Variants in SCAF8 observed in about 807,000 individuals in gnomAD.
SCAF8 encodes the protein SR-related and CTD-associated factor 8.
In SCAF8, 23 loss-of-function variants were observed where a neutral mutation model predicts 140.5. That is an observed-to-expected ratio of 0.16 (90% CI 0.12 to 0.23). The LOEUF is 0.23. Ranked by LOEUF, SCAF8 falls within the 10% of genes least tolerant of loss-of-function variation. The pLI is 1.00. For missense variants in SCAF8, 1,397 were observed against 1,555.7 expected (o/e 0.90, Z 1.72); for synonymous variants, 575 against 528.9 (o/e 1.09, Z -1.20).
intron 18 of SCAF8, among the ~76,000 whole-genome samples, chr6:154,827,835 G>GGT (rs1562466883): frequency 2.5e-5 from 1 of 39,810 alleles, no homozygotes; most frequent in Non-Finnish European, 7.5e-5. Flanking sequence ...GGGGCGGGGC[G>GGT]GGGGGGGGGG....
At chr6:154,802,219 T>C (rs1777793077) in intron 7 of SCAF8, 72 bp downstream of exon 7, 2 of 918,386 alleles carry the variant, frequency 2.2e-6, no homozygotes, top group South Asian at 5.1e-5. Flanking sequence ...ATTTTAATTC[T>C]ATAAATAAAT....
chr6:154,814,918 TC>T (rs1177623859), intron 12 of SCAF8, among the ~76,000 whole-genome samples: 1 of 152,198 alleles, frequency 6.6e-6, no homozygotes, highest in Non-Finnish European at 1.5e-5. Context: ...AAGGATTGTT[TC>T]CTTAAGGATA....
chr6:154,818,154 C>T (rs544838442), intron 13 of SCAF8, among the ~76,000 whole-genome samples: 7 of 152,218 alleles, frequency 4.6e-5, no homozygotes, highest in South Asian at 2.1e-4. Context: ...ATTATGTATA[C>T]GAAGTTATAC....
chr6:154,809,929 G>A, intron 11 of SCAF8, 86 bp from the exon 12 acceptor site: 1 of 1,081,826 alleles, frequency 9.2e-7, no homozygotes. Flanking sequence ...CAACTTTTTT[G>A]TTATTGTTTT....
At chr6:154,766,747 G>A (rs1407037442) in intron 1 of SCAF8, among the ~76,000 whole-genome samples, 4 of 133,526 alleles carry the variant, frequency 3.0e-5, no homozygotes, top group Non-Finnish European at 6.1e-5. Context: ...GAAGTCATGT[G>A]CAACATCTGG....
At position 154,831,921 on chromosome 6, in the gene SCAF8, C is replaced by G; in HGVS notation, c.2360-18C>G. The stretch of plus-strand genomic sequence containing the variant: ...TTGACTGTTATTTTGAGTTTTTTCT[C>G]TCTCTCTTTTTTTTTAGTGATTCCA... On this transcript the variant is annotated intron_variant, in intron 19 of 19. Coordinates refer to ENST00000367178, the MANE Select transcript of SCAF8 (RefSeq NM_014892.5). 6.4e-7 allele frequency: 1 copy of G among 1,560,818 alleles called. No homozygotes were observed. The highest frequency in any genetic ancestry group is 8.6e-7 in the Non-Finnish European group (1 of 1,158,774).
intron 12 of SCAF8, 70 bp downstream of exon 12, chr6:154,810,278 C>T (rs1778052681): frequency 3.5e-6 from 4 of 1,143,622 alleles, no homozygotes; most frequent in Non-Finnish European, 4.9e-6. Context: ...GCTACAAAGT[C>T]TCTCAGCCAA....
intron 6 of SCAF8, among the ~76,000 whole-genome samples, chr6:154,795,548 TGGG>T (rs1261411103): frequency 6.6e-6 from 1 of 152,094 alleles, no homozygotes; most frequent in African/African-American, 2.4e-5. Flanking sequence ...TGACTAGATT[TGGG>T]GGAAGGGGTC....
chr6:154,783,896 C>G (rs1019925676), intron 3 of SCAF8, among the ~76,000 whole-genome samples: 1 of 151,480 alleles, frequency 6.6e-6, no homozygotes, highest in Admixed American at 6.6e-5. Context: ...ATGGTGAAAT[C>G]CCGTCTCTAC....
Position 154,812,732 on chromosome 6 carries a change from T to C in SCAF8, c.1420+2524T>C, listed in dbSNP as rs186447934. Among the ~76,000 whole-genome samples, 6 of 152,274 alleles carry C rather than the reference T, an allele frequency of 3.9e-5. No homozygotes were observed. In the East Asian group the frequency reaches 9.6e-4, roughly 24 times the overall value. On this transcript the variant is annotated intron_variant, in intron 12 of 19. Transcript: ENST00000367178. Reference sequence around the variant, plus strand: ...CCAGTGAATAATAACATTCCAGGAATCAAGTGTCCCTTCTGCATGGGATGA... The same window carrying C: ...CCAGTGAATAATAACATTCCAGGAACCAAGTGTCCCTTCTGCATGGGATGA...
At chr6:154,783,120 A>C (rs1583030441) in intron 3 of SCAF8, among the ~76,000 whole-genome samples, 2 of 152,198 alleles carry the variant, frequency 1.3e-5, no homozygotes, top group Non-Finnish European at 2.9e-5. Context: ...CTTTTCTACC[A>C]TCCATAGCTC....
Position 154,795,216 on chromosome 6 carries a change from C to T in SCAF8, c.606+77C>T, listed in dbSNP as rs1326667126. 1.1e-5 allele frequency: 14 copies of T among 1,232,344 alleles called. No individual in the cohort carries two copies. In the East Asian group the frequency reaches 2.2e-4, roughly 20 times the overall value. 76.3% of individuals were successfully genotyped at this position (1,232,344 alleles called of 1,614,324 possible). A position where few individuals can be genotyped will look rare whatever the true frequency, so the allele number is the denominator to read the frequency against. ...TAATGTATTACTTTGTAACATACCACCTAGAGAATATGTGCTTTTTTTAGT... is the reference window on the plus strand; with the variant it reads ...TAATGTATTACTTTGTAACATACCATCTAGAGAATATGTGCTTTTTTTAGT... On this transcript the variant is annotated intron_variant, in intron 6 of 19. Transcript: ENST00000367178.
At chr6:154,803,874 A>T (rs1447070501) in intron 8 of SCAF8, among the ~76,000 whole-genome samples, 1 of 152,118 alleles carries the variant, frequency 6.6e-6, no homozygotes, top group East Asian at 1.9e-4. Context: ...TCTGGTTGTA[A>T]TATTTTCCAT....
rs57095332 is a variant in SCAF8, at chr6:154,790,489, A to ATTTTTT, written c.322-2300_322-2295dup. On this transcript the variant is annotated intron_variant, in intron 4 of 19. Coordinates refer to ENST00000367178, the MANE Select transcript of SCAF8 (RefSeq NM_014892.5). ...TTGTAAAACATATACATTTAACAGA[A>ATTTTTT]TTTTTTTTTTTTTTTTTTTTTTTTT... Among the ~76,000 whole-genome samples the ATTTTTT allele has an allele frequency of 1.3e-3, 93 of 70,874 alleles. 12 individuals carry two copies. The highest frequency in any genetic ancestry group is 1.9e-3 in the Non-Finnish European group (74 of 37,996). 46.5% of individuals were successfully genotyped at this position (70,874 alleles called of 152,430 possible). A position where few individuals can be genotyped will look rare whatever the true frequency, so the allele number is the denominator to read the frequency against.
chr6:154,815,093 C>T (rs1180681917), intron 12 of SCAF8, among the ~76,000 whole-genome samples: 5 of 152,018 alleles, frequency 3.3e-5, no homozygotes, highest in African/African-American at 1.2e-4. Context: ...GTCAGGAGAT[C>T]GAGACCATCC....
At chr6:154,743,769 AGTG>A (rs1778629287) in intron 1 of SCAF8, among the ~76,000 whole-genome samples, 1 of 152,200 alleles carries the variant, frequency 6.6e-6, no homozygotes, top group African/African-American at 2.4e-5. Context: ...AATAGACATA[AGTG>A]TTTGAGTTTG....
intron 17 of SCAF8, among the ~76,000 whole-genome samples, chr6:154,826,658 G>C (rs1166732089): frequency 6.6e-6 from 1 of 152,144 alleles, no homozygotes; most frequent in Non-Finnish European, 1.5e-5. Flanking sequence ...GAAGTAGTAG[G>C]ATTGTTTGAG....
At chr6:154,790,765 C>T (rs1777397019) in intron 4 of SCAF8, among the ~76,000 whole-genome samples, 1 of 151,948 alleles carries the variant, frequency 6.6e-6, no homozygotes, top group Non-Finnish European at 1.5e-5. Context: ...CCGCCTTGGC[C>T]TCCCTAAGTG....
intron 4 of SCAF8, 21 bp from the exon 5 acceptor site, chr6:154,792,802 C>A (rs1384463934): frequency 6.4e-7 from 1 of 1,551,730 alleles, no homozygotes; most frequent in South Asian, 1.2e-5. Flanking sequence ...ACCAAAATGT[C>A]ATGTTTCTTT....
Sources: allele counts gnomAD v4.1 joint callset (sites outside exome capture counted in the v4.1 genomes callset), GRCh38; gene constraint gnomAD v4.1.1; transcripts MANE v1.5; gene names NCBI Gene and HGNC (gene_info 2026-07-23, HGNC 2026-07-21).